Variants in WIPF3 observed in about 807,000 individuals in gnomAD.
WIPF3 encodes the protein WAS/WASL interacting protein family member 3.
A neutral mutation model predicts 38.9 loss-of-function variants in WIPF3; 33 were observed. That is an observed-to-expected ratio of 0.85 (90% CI 0.64 to 1.14). WIPF3 has a LOEUF of 1.14. Ranked by LOEUF, WIPF3 falls within the 50% of genes most tolerant of loss-of-function variation. WIPF3 has a pLI of 0.00. For synonymous variants in WIPF3, 324 were observed against 269.3 expected (o/e 1.20, Z -1.99); for missense variants, 711 against 652.5 (o/e 1.09, Z -0.98).
chr7:29,902,264 TC>T (rs1786298401), intron 7 of WIPF3, among the ~76,000 whole-genome samples: 7 of 129,048 alleles, frequency 5.4e-5, no homozygotes, highest in South Asian at 5.5e-4. Flanking sequence ...GTTTTCTTCT[TC>T]TTCTTCTTCT....
chr7:29,850,707 G>A (rs1370811650), intron 2 of WIPF3, among the ~76,000 whole-genome samples: 1 of 152,168 alleles, frequency 6.6e-6, no homozygotes, highest in Non-Finnish European at 1.5e-5. Flanking sequence ...TTGAAAGAGG[G>A]ACAATGGAGA....
At position 29,884,011 on chromosome 7, in the gene WIPF3, G is replaced by GCCC; in HGVS notation, c.519_521dup (p.Pro177dup). The stretch of plus-strand genomic sequence containing the variant: ...AGCCCCGCCTCGCCCCAACGTGCCT[G>GCCC]CCCCGCCCCCTCCCACCCCACCCCC... On this transcript the variant is annotated inframe_insertion, in exon 5 of 9. Transcript: ENST00000242140. 6 of 1,430,654 alleles carry GCCC rather than the reference G, an allele frequency of 4.2e-6. No homozygotes were observed. The highest frequency in any genetic ancestry group is 2.4e-5 in the Admixed American group (1 of 42,478). The allele number at this position is 1,430,654 out of a possible 1,614,324, so 88.6% of individuals were successfully genotyped here.
At chr7:29,874,482 C>T (rs1362570057) in intron 2 of WIPF3, among the ~76,000 whole-genome samples, 1 of 151,988 alleles carries the variant, frequency 6.6e-6, no homozygotes, top group Non-Finnish European at 1.5e-5. Flanking sequence ...AGTGAATGGC[C>T]TTATTTAGAT....
chr7:29,898,310 T>G (rs577262612), intron 7 of WIPF3, among the ~76,000 whole-genome samples: 6 of 151,976 alleles, frequency 3.9e-5, no homozygotes, highest in Non-Finnish European at 7.4e-5. Flanking sequence ...TGCATCCAAC[T>G]TACCAGTGAA....
chr7:29,862,728 T>C (rs1256286068), intron 2 of WIPF3, among the ~76,000 whole-genome samples: 2 of 152,204 alleles, frequency 1.3e-5, no homozygotes, highest in Non-Finnish European at 2.9e-5. Flanking sequence ...AACACTGTTA[T>C]TTCTTTATTT....
intron 7 of WIPF3, among the ~76,000 whole-genome samples, chr7:29,900,783 A>T (rs547880953): frequency 6.6e-6 from 1 of 152,364 alleles, no homozygotes; most frequent in South Asian, 2.1e-4. Flanking sequence ...CCCTGTTTAC[A>T]GCTGGTGGCA....
chr7:29,879,061 G>A lies in WIPF3; in HGVS notation c.276G>A (p.Ala92=), dbSNP rs773534556. The change falls in exon 4 of 9, where the codon GCG becomes GCA. Residue 92 remains alanine (A), a synonymous_variant. Transcript: ENST00000242140. ...EGGGSANTRG[A]STPPTLGDLF... ...GAGGTTCTGCAAACACACGAGGCGC[G>A]AGCACACCTCCCACCCTGGGAGATC... The A allele has an allele frequency of 3.0e-5, 48 of 1,609,134 alleles. No homozygotes were observed. Among genetic ancestry groups the A allele is most frequent in the Non-Finnish European group, 4.0e-5 (47 of 1,177,606 alleles).
Position 29,915,318 on chromosome 7 carries a change from G to A in WIPF3, c.*802G>A, listed in dbSNP as rs1399125656. On this transcript the variant is annotated 3_prime_UTR_variant, in exon 9 of 9. Coordinates refer to ENST00000242140, the MANE Select transcript of WIPF3 (RefSeq NM_001080529.3). Reference sequence around the variant, plus strand: ...CAGTAGCCAGCTTTATGAGATTTTGGTATTTCTTCCCTACAGATTAAAAAC... The same window carrying A: ...CAGTAGCCAGCTTTATGAGATTTTGATATTTCTTCCCTACAGATTAAAAAC... 1.3e-5 allele frequency: 2 copies of A among 151,866 alleles called. No homozygotes were observed. The highest frequency in any genetic ancestry group is 2.9e-5 in the Non-Finnish European group (2 of 68,018). 9.4% of individuals were successfully genotyped at this position (151,866 alleles called of 1,614,324 possible). A position where few individuals can be genotyped will look rare whatever the true frequency, so the allele number is the denominator to read the frequency against.
chr7:29,848,536 G>T lies in WIPF3; in HGVS notation c.90+13722G>T, dbSNP rs77428556. Among the ~76,000 whole-genome samples the T allele has an allele frequency of 5.4e-4, 82 of 152,286 alleles. 1 individual carries two copies. The highest frequency in any genetic ancestry group is 2.0e-3 in the African/African-American group (82 of 41,554). On this transcript the variant is annotated intron_variant, in intron 2 of 8. Coordinates refer to ENST00000242140, the MANE Select transcript of WIPF3 (RefSeq NM_001080529.3). The stretch of plus-strand genomic sequence containing the variant: ...GCAGCTTTGGGATGCTGAGATTCTA[G>T]TGCTGTGGGTTGGTCTTTCTCTACC...
chr7:29,872,718 C>T (rs1055155249), intron 2 of WIPF3, among the ~76,000 whole-genome samples: 2 of 145,416 alleles, frequency 1.4e-5, no homozygotes, highest in Non-Finnish European at 3.0e-5. Flanking sequence ...ATGGCGTGAA[C>T]CCGGGAAGCG....
intron 1 of WIPF3, among the ~76,000 whole-genome samples, chr7:29,831,736 T>A (rs897110945): frequency 1.3e-5 from 2 of 152,226 alleles, no homozygotes; most frequent in African/African-American, 4.8e-5. Context: ...TTTCATCTTG[T>A]GGCTCTGCCA....
chr7:29,884,010 TG>T lies in WIPF3; in HGVS notation c.517del (p.Ala173ProfsTer35). 2.9e-6 allele frequency: 4 copies of T among 1,381,136 alleles called. No homozygotes were observed. Among genetic ancestry groups the T allele is most frequent in the Admixed American group, 2.6e-5 (1 of 38,682 alleles). The allele number at this position is 1,381,136 out of a possible 1,614,324, so 85.6% of individuals were successfully genotyped here. On this transcript the variant is annotated frameshift_variant, in exon 5 of 9. Transcript: ENST00000242140. LOFTEE classifies it high-confidence loss of function. The part of the protein sequence containing the change: ...RTAPPRPNVP[A>X]PPPPTPPPPP... Reference sequence around the variant, plus strand: ...CAGCCCCGCCTCGCCCCAACGTGCCTGCCCCGCCCCCTCCCACCCCACCCCC... The same window carrying T: ...CAGCCCCGCCTCGCCCCAACGTGCCTCCCCGCCCCCTCCCACCCCACCCCC...
chr7:29,841,524 A>G (rs1323096767), intron 2 of WIPF3, among the ~76,000 whole-genome samples: 3 of 152,088 alleles, frequency 2.0e-5, no homozygotes, highest in African/African-American at 7.2e-5. Flanking sequence ...TTTAAAATTC[A>G]ATGTTGTCTG....
At chr7:29,810,469 T>TGTGA (rs200510197) in intron 1 of WIPF3, among the ~76,000 whole-genome samples, 7 of 145,286 alleles carry the variant, frequency 4.8e-5, no homozygotes, top group Admixed American at 4.8e-4. Flanking sequence ...TCAGTAATTG[T>TGTGA]GTGAGTGAAT....
chr7:29,885,114 A>C (rs954393265), intron 5 of WIPF3, among the ~76,000 whole-genome samples: 1 of 152,056 alleles, frequency 6.6e-6, no homozygotes, highest in Non-Finnish European at 1.5e-5. Context: ...CTGGATTCCC[A>C]CTCTGCCTTA....
chr7:29,884,908 T>C (rs1242105276), intron 5 of WIPF3, among the ~76,000 whole-genome samples: 1 of 152,198 alleles, frequency 6.6e-6, no homozygotes, highest in East Asian at 1.9e-4. Flanking sequence ...TTCTTAGGTT[T>C]GAGGTGCTTG....
In WIPF3 at chr7:29,844,463, A is replaced by G. The variant is rs1028167283; in HGVS notation, c.90+9649A>G. Among the ~76,000 whole-genome samples, 23 of 152,224 alleles carry G rather than the reference A, an allele frequency of 1.5e-4. No homozygotes were observed. Among genetic ancestry groups the G allele is most frequent in the African/African-American group, 4.8e-4 (20 of 41,466 alleles). On this transcript the variant is annotated intron_variant, in intron 2 of 8. Transcript: ENST00000242140. This position sits in a 1 kb window ranked among gnomAD's most constrained non-coding sequence, Gnocchi z 4.8. ...TTATCTAAATATTTACAACAATCCAATGAGGTAGGGACCGGTAGTGCCATT... is the reference window on the plus strand; with the variant it reads ...TTATCTAAATATTTACAACAATCCAGTGAGGTAGGGACCGGTAGTGCCATT...
intron 4 of WIPF3, among the ~76,000 whole-genome samples, chr7:29,882,554 C>T (rs1029126800): frequency 6.6e-6 from 1 of 152,224 alleles, no homozygotes; most frequent in African/African-American, 2.4e-5. Context: ...GCCTACTTAG[C>T]TTCACCTGAG....
intron 2 of WIPF3, among the ~76,000 whole-genome samples, chr7:29,869,182 A>AC (rs11381978): frequency 0.92 from 139,849 of 152,168 alleles, 64,383 homozygotes; most frequent in East Asian, 1. Flanking sequence ...GGCATGTGCC[A>AC]CACACCTGGC....
Sources: gnomAD v4.1 joint callset for allele counts (sites outside exome capture counted in the v4.1 genomes callset) on GRCh38, gnomAD v4.1.1 for gene constraint, Gnocchi (gnomAD v3.1) non-coding constraint, MANE v1.5 for transcripts, NCBI Gene and HGNC (gene_info 2026-07-23, HGNC 2026-07-21) for gene names.